The following ONECUT2 variants were observed in gnomAD, a reference collection of about 807,000 sequenced individuals.
ONECUT2 encodes the protein one cut domain family member 2.
ONECUT2 carries 10 observed loss-of-function variants against 27.9 expected under a neutral mutation model. The ratio of observed to expected loss-of-function variants is 0.36; its 90% CI spans 0.22 to 0.61. The LOEUF (loss-of-function observed/expected upper bound fraction) is 0.61, where lower values mean the gene tolerates loss of function less well. Ranked by LOEUF, ONECUT2 falls within the 20% of genes least tolerant of loss-of-function variation. The pLI, the probability that ONECUT2 is intolerant of heterozygous loss-of-function variation, is 0.73. For synonymous variants in ONECUT2, 334 were observed against 315.1 expected (o/e 1.06, Z -0.64); for missense variants, 686 against 721.0 (o/e 0.95, Z 0.56).
chr18:57,438,471 G>A (rs930834809), intron 1 of ONECUT2, among the ~76,000 whole-genome samples: 51 of 152,342 alleles, frequency 3.3e-4, no homozygotes, highest in African/African-American at 1.2e-3. Flanking sequence ...CGATCCCCCG[G>A]GCTTTCCTCG....
intron 1 of ONECUT2, 27 bp from the exon 2 acceptor site, chr18:57,476,410 C>A: frequency 6.2e-7 from 1 of 1,608,292 alleles, no homozygotes; most frequent in South Asian, 1.1e-5. Context: ...CCCACTGACT[C>A]CTCTCCTTCT....
Position 57,486,505 on chromosome 18 carries a change from C to G in ONECUT2, c.*9782C>G, listed in dbSNP as rs565177428. 6.6e-6 allele frequency: 1 copy of G among 152,406 alleles called. No homozygotes were observed. The highest frequency in any genetic ancestry group is 1.5e-5 in the Non-Finnish European group (1 of 68,014). 9.4% of individuals were successfully genotyped at this position (152,406 alleles called of 1,614,324 possible). ...CAATGCAGACCGCGCAATTCCTTAC[C>G]GAATTTTCTCAGATATACCTCATAG... On this transcript the variant is annotated 3_prime_UTR_variant, in exon 2 of 2. Coordinates refer to ENST00000491143, the MANE Select transcript of ONECUT2 (RefSeq NM_004852.3).
chr18:57,440,158 G>A (rs1339593292), intron 1 of ONECUT2, among the ~76,000 whole-genome samples: 3 of 152,254 alleles, frequency 2.0e-5, no homozygotes, highest in South Asian at 2.1e-4. Flanking sequence ...TTGCAACCCC[G>A]CCCGGTCGGG....
At chr18:57,461,713 T>C (rs2050292823) in intron 1 of ONECUT2, among the ~76,000 whole-genome samples, 1 of 152,214 alleles carries the variant, frequency 6.6e-6, no homozygotes, top group South Asian at 2.1e-4. Context: ...TGCTGGGGTA[T>C]TTATCTGGCA....
At chr18:57,461,873 G>A (rs1024154160) in intron 1 of ONECUT2, among the ~76,000 whole-genome samples, 13 of 152,254 alleles carry the variant, frequency 8.5e-5, no homozygotes, top group African/African-American at 3.1e-4. Context: ...TTGGGCTGTC[G>A]TGCCCCGCAG....
In ONECUT2 at chr18:57,451,941, T is replaced by TG. The variant is rs765504543; in HGVS notation, c.1228+15005dup. Among the ~76,000 whole-genome samples the TG allele has an allele frequency of 2.1e-3, 313 of 151,608 alleles. 1 individual carries two copies. Among genetic ancestry groups the TG allele is most frequent in the African/African-American group, 5.6e-3 (231 of 41,338 alleles). On this transcript the variant is annotated intron_variant, in intron 1 of 1. Transcript: ENST00000491143. ...GCACAGAAAAGGCAAGCATGAGGAA[T>TG]GGGGGGGGCGGTGTTGGTGTTTTTC...
At chr18:57,473,868 G>T (rs2050367629) in intron 1 of ONECUT2, among the ~76,000 whole-genome samples, 1 of 152,292 alleles carries the variant, frequency 6.6e-6, no homozygotes, top group Admixed American at 6.5e-5. Flanking sequence ...GGAATCATCA[G>T]AATCCAACAA....
At position 57,483,854 on chromosome 18, in the gene ONECUT2, G is replaced by A. The variant is rs569840087; in HGVS notation, c.*7131G>A. 1 of 152,672 alleles carries A rather than the reference G, an allele frequency of 6.5e-6. No individual in the cohort carries two copies. The highest frequency in any genetic ancestry group is 2.1e-4 in the South Asian group (1 of 4,826). The allele number at this position is 152,672 out of a possible 1,614,324, so 9.5% of individuals were successfully genotyped here. A position where few individuals can be genotyped will look rare whatever the true frequency, so the allele number is the denominator to read the frequency against. Reference sequence around the variant, plus strand: ...TTGTGGCCCTCGGAGCCTTCATATTGTAACTTATTTATTTAACTTATTCAG... The same window carrying A: ...TTGTGGCCCTCGGAGCCTTCATATTATAACTTATTTATTTAACTTATTCAG... On this transcript the variant is annotated 3_prime_UTR_variant, in exon 2 of 2. Transcript: ENST00000491143.
Position 57,436,701 on chromosome 18 carries a change from C to A in ONECUT2, c.985C>A (p.Gln329Lys), listed in dbSNP as rs373967476. ...SSGSQVATSG[Q>K]LEEINTKEVA... ...GGGCTCGCAGGTGGCCACGTCGGGC[C>A]AGCTGGAAGAAATCAACACCAAAGA... is the stretch of plus-strand genomic sequence containing the variant. Residue 329 changes from glutamine to lysine, a missense_variant, in exon 1 of 2, where the codon CAG becomes AAG. Gln to Lys is a moderately conservative substitution (Grantham distance 53, BLOSUM62 1). Coordinates refer to ENST00000491143, the MANE Select transcript of ONECUT2 (RefSeq NM_004852.3). The surrounding 1 kb of genome is among the most constrained non-coding windows in gnomAD (Gnocchi z 5.9). 6.2e-7 allele frequency: 1 copy of A among 1,613,524 alleles called. No individual in the cohort carries two copies. Among genetic ancestry groups the A allele is most frequent in the Non-Finnish European group, 8.5e-7 (1 of 1,180,014 alleles).
In ONECUT2 at chr18:57,486,998, T is replaced by TC. The variant is rs1401810652; in HGVS notation, c.*10279dup. Reference sequence around the variant, plus strand: ...ACATTTTTCATTTTGAACTAGATCTTCCCCTTTGGTTCAATGGACTTTATT... The same window carrying TC: ...ACATTTTTCATTTTGAACTAGATCTTCCCCCTTTGGTTCAATGGACTTTATT... On this transcript the variant is annotated 3_prime_UTR_variant, in exon 2 of 2. Transcript: ENST00000491143. 3 of 152,624 alleles carry TC rather than the reference T, an allele frequency of 2.0e-5. No homozygotes were observed. The highest frequency in any genetic ancestry group is 7.2e-5 in the African/African-American group (3 of 41,440). The allele number at this position is 152,624 out of a possible 1,614,324, so 9.5% of individuals were successfully genotyped here.
intron 1 of ONECUT2, among the ~76,000 whole-genome samples, chr18:57,457,470 C>G (rs543394482): frequency 2.0e-5 from 3 of 152,140 alleles, no homozygotes. Context: ...GAACTCCCTC[C>G]CCTGCCCCTA....
chr18:57,436,618 C>G lies in ONECUT2; in HGVS notation c.902C>G (p.Thr301Ser). Residue 301 changes from threonine to serine, a missense_variant, in exon 1 of 2, where the codon ACT becomes AGT. Around this residue, in one of 4 missense-constraint regions of ONECUT2, gnomAD observed 511 missense variants for 488.1 expected, o/e 1.05. Coordinates refer to ENST00000491143, the MANE Select transcript of ONECUT2 (RefSeq NM_004852.3). The surrounding 1 kb of genome is among the most constrained non-coding windows in gnomAD (Gnocchi z 5.9). ...HLNGLHHPGH[T>S]QSHGPVLAPS... ...AACGGCCTGCACCACCCGGGCCACA[C>G]TCAGTCTCACGGGCCGGTGCTGGCA... The G allele has an allele frequency of 6.2e-7, 1 of 1,611,246 alleles. No homozygotes were observed. Among genetic ancestry groups the G allele is most frequent in the Non-Finnish European group, 8.5e-7 (1 of 1,179,878 alleles).
rs2050436690 is a variant in ONECUT2 at position 57,486,129 on chromosome 18, T to G, written c.*9406T>G. The G allele has an allele frequency of 6.5e-6, 1 of 152,754 alleles. No individual in the cohort carries two copies. Among genetic ancestry groups the G allele is most frequent in the Non-Finnish European group, 1.5e-5 (1 of 68,154 alleles). 9.5% of individuals were successfully genotyped at this position (152,754 alleles called of 1,614,324 possible). On this transcript the variant is annotated 3_prime_UTR_variant, in exon 2 of 2. Coordinates refer to ENST00000491143, the MANE Select transcript of ONECUT2 (RefSeq NM_004852.3). ...GCCTGAACACAGAAAACATCCCCAC[T>G]TGGCAGACCTCTCCTCAGCAATCCC...
chr18:57,451,944 G>C (rs1016326239), intron 1 of ONECUT2, among the ~76,000 whole-genome samples: 9 of 152,280 alleles, frequency 5.9e-5, no homozygotes, highest in African/African-American at 1.9e-4. Context: ...TGAGGAATGG[G>C]GGGGGCGGTG....
chr18:57,435,877 G>T lies in ONECUT2; in HGVS notation c.161G>T (p.Gly54Val), dbSNP rs1486605675. Residue 54 changes from glycine to valine, a missense_variant, in exon 1 of 2, where the codon GGC becomes GTC. Transcript: ENST00000491143. ...GGGGGGGGGG[G>V]PGHEQELLAS... ...GGGGGCGGCGGGGGCGGCGGCGGGG[G>T]CCCGGGCCATGAGCAGGAGCTGCTG... 2.8e-5 allele frequency: 29 copies of T among 1,050,650 alleles called. No individual in the cohort carries two copies. Among genetic ancestry groups the T allele is most frequent in the Non-Finnish European group, 3.1e-5 (27 of 874,234 alleles). 65.1% of individuals were successfully genotyped at this position (1,050,650 alleles called of 1,614,324 possible). A position where few individuals can be genotyped will look rare whatever the true frequency, so the allele number is the denominator to read the frequency against.
rs2050428292 is a variant in ONECUT2 at position 57,484,128 on chromosome 18, A to G, written c.*7405A>G. 1 of 152,576 alleles carries G rather than the reference A, an allele frequency of 6.6e-6. No homozygotes were observed. Among genetic ancestry groups the G allele is most frequent in the South Asian group, 2.1e-4 (1 of 4,820 alleles). The allele number at this position is 152,576 out of a possible 1,614,324, so 9.5% of individuals were successfully genotyped here. A position where few individuals can be genotyped will look rare whatever the true frequency, so the allele number is the denominator to read the frequency against. On this transcript the variant is annotated 3_prime_UTR_variant, in exon 2 of 2. Coordinates refer to ENST00000491143, the MANE Select transcript of ONECUT2 (RefSeq NM_004852.3). The stretch of plus-strand genomic sequence containing the variant: ...TAAACAAAAAGAGAGAAACCCTTAC[A>G]CTAGCTGCTTCCAAGAATGAACTCT...
At chr18:57,457,941 G>A (rs1290170173) in intron 1 of ONECUT2, among the ~76,000 whole-genome samples, 1 of 152,150 alleles carries the variant, frequency 6.6e-6, no homozygotes, top group Non-Finnish European at 1.5e-5. Flanking sequence ...ATGGACACAG[G>A]GCGGGGAACA....
chr18:57,448,646 A>G (rs1052873091), intron 1 of ONECUT2, among the ~76,000 whole-genome samples: 6 of 152,248 alleles, frequency 3.9e-5, no homozygotes, highest in Non-Finnish European at 7.3e-5. Context: ...CCAGTAAAAC[A>G]TGGATTTGGC....
At position 57,490,599 on chromosome 18, in the gene ONECUT2, A is replaced by T. The variant is rs2050460835; in HGVS notation, c.*13876A>T. 6.6e-6 allele frequency: 1 copy of T among 152,128 alleles called. No homozygotes were observed. Among genetic ancestry groups the T allele is most frequent in the African/African-American group, 2.4e-5 (1 of 41,436 alleles). 9.4% of individuals were successfully genotyped at this position (152,128 alleles called of 1,614,324 possible). Reference sequence around the variant, plus strand: ...GCCTCCGTTGACCATATGCTCAAAGACCGTACTCTGCCACCTGCCTTCCAG... The same window carrying T: ...GCCTCCGTTGACCATATGCTCAAAGTCCGTACTCTGCCACCTGCCTTCCAG... On this transcript the variant is annotated 3_prime_UTR_variant, in exon 2 of 2. Coordinates refer to ENST00000491143, the MANE Select transcript of ONECUT2 (RefSeq NM_004852.3).
Sources: gnomAD v4.1 joint callset for allele counts (sites outside exome capture counted in the v4.1 genomes callset) on GRCh38, gnomAD v4.1.1 for gene constraint, gnomAD v4.1.1 regional missense constraint, Gnocchi (gnomAD v3.1) non-coding constraint, MANE v1.5 for transcripts, NCBI Gene and HGNC (gene_info 2026-07-23, HGNC 2026-07-21) for gene names.